Variants in SPTLC3 observed in about 807,000 individuals in gnomAD.
SPTLC3 encodes serine palmitoyltransferase 3.
A neutral mutation model predicts 59.3 loss-of-function variants in SPTLC3; 36 were observed. That is an observed-to-expected ratio of 0.61 (90% CI 0.47 to 0.80). The LOEUF is 0.80. Among genes scored for constraint, SPTLC3 ranks in the 30% least tolerant of loss-of-function variants. SPTLC3 has a pLI of 0.00. For missense variants in SPTLC3, 625 were observed against 685.1 expected (o/e 0.91, Z 0.98); for synonymous variants, 257 against 240.8 (o/e 1.07, Z -0.62).
At chr20:13,147,933 A>C (rs2122924218) in intron 9 of SPTLC3, among the ~76,000 whole-genome samples, 1 of 152,364 alleles carries the variant, frequency 6.6e-6, no homozygotes, top group African/African-American at 2.4e-5. Context: ...GAGATTGCAA[A>C]GTCTGCAGAA....
At chr20:13,040,405 C>T (rs918663946) in intron 1 of SPTLC3, among the ~76,000 whole-genome samples, 1 of 151,828 alleles carries the variant, frequency 6.6e-6, no homozygotes, top group Non-Finnish European at 1.5e-5. Flanking sequence ...TGTCTCCAGG[C>T]TGGAGTGCAG....
At chr20:13,027,314 A>T (rs1986198578) in intron 1 of SPTLC3, among the ~76,000 whole-genome samples, 1 of 152,128 alleles carries the variant, frequency 6.6e-6, no homozygotes, top group South Asian at 2.1e-4. Context: ...CACATCCAGG[A>T]TCTCATTGTA....
intron 4 of SPTLC3, among the ~76,000 whole-genome samples, chr20:13,086,613 T>G (rs1299075221): frequency 6.6e-6 from 1 of 152,184 alleles, no homozygotes; most frequent in African/African-American, 2.4e-5. Context: ...AACTCAGCTG[T>G]GAGACATCTG....
At chr20:13,071,614 CGGGAAGA>C (rs1988438400) in intron 2 of SPTLC3, among the ~76,000 whole-genome samples, 1 of 151,870 alleles carries the variant, frequency 6.6e-6, no homozygotes, top group Non-Finnish European at 1.5e-5. Context: ...TTTTTCTAAA[CGGGAAGA>C]GGGAACTATT....
In SPTLC3 at chr20:13,048,931, T is replaced by A; in HGVS notation, c.118-14T>A. 6.5e-7 allele frequency: 1 copy of A among 1,537,400 alleles called. No individual in the cohort carries two copies. Among genetic ancestry groups the A allele is most frequent in the Non-Finnish European group, 8.7e-7 (1 of 1,147,982 alleles). Reference sequence around the variant, plus strand: ...AGGAGAATGCTAACCTTGGATTTTCTTTTGTGTTTTCAGCAAAATGGGAAG... The same window carrying A: ...AGGAGAATGCTAACCTTGGATTTTCATTTGTGTTTTCAGCAAAATGGGAAG... On this transcript the variant is annotated splice_polypyrimidine_tract_variant and intron_variant, in intron 1 of 11. Coordinates refer to ENST00000399002, the MANE Select transcript of SPTLC3 (RefSeq NM_018327.4).
chr20:13,053,974 T>A (rs1277435323), intron 2 of SPTLC3, among the ~76,000 whole-genome samples: 2 of 152,224 alleles, frequency 1.3e-5, no homozygotes, highest in Non-Finnish European at 2.9e-5. Flanking sequence ...CTTCAGGATA[T>A]TATCCAGGAG....
At chr20:13,151,580 T>C (rs2038649515) in intron 9 of SPTLC3, among the ~76,000 whole-genome samples, 1 of 152,136 alleles carries the variant, frequency 6.6e-6, no homozygotes, top group African/African-American at 2.4e-5. Context: ...GCATGGACAA[T>C]TGGGGCATTT....
At chr20:13,138,819 T>C (rs2038313528) in intron 9 of SPTLC3, among the ~76,000 whole-genome samples, 1 of 152,182 alleles carries the variant, frequency 6.6e-6, no homozygotes, top group Non-Finnish European at 1.5e-5. Context: ...GATATGGAGG[T>C]GAGCTGAGCA....
Position 13,164,824 on chromosome 20 carries a change from G to T in SPTLC3, c.1616G>T (p.Arg539Leu). Reference sequence around the variant, plus strand: ...TATTCCCGGCACAAGAAGTCAGCACGTCCTGAGCTCTATGATGAGACGAGC... The same window carrying T: ...TATTCCCGGCACAAGAAGTCAGCACTTCCTGAGCTCTATGATGAGACGAGC... ...LKYSRHKKSA[R>L]PELYDETSFE... The change falls in exon 12 of 12, where the codon CGT (arginine) becomes CTT (leucine). Residue 539 changes from arginine to leucine, a missense_variant. Transcript: ENST00000399002. The T allele has an allele frequency of 6.2e-7, 1 of 1,613,716 alleles. No homozygotes were observed. Among genetic ancestry groups the T allele is most frequent in the Non-Finnish European group, 8.5e-7 (1 of 1,179,810 alleles).
chr20:13,082,738 G>A (rs1988881689), intron 4 of SPTLC3, among the ~76,000 whole-genome samples: 1 of 152,128 alleles, frequency 6.6e-6, no homozygotes, highest in African/African-American at 2.4e-5. Flanking sequence ...TTATAGCACT[G>A]AGCCACATTT....
intron 1 of SPTLC3, among the ~76,000 whole-genome samples, chr20:13,022,472 C>G (rs976183769): frequency 2.6e-5 from 4 of 152,190 alleles, no homozygotes; most frequent in Non-Finnish European, 5.9e-5. Context: ...GTGAGGACAG[C>G]TCTCCCCTGC....
Position 13,166,103 on chromosome 20 carries a change from A to G in SPTLC3, c.*1236A>G, listed in dbSNP as rs2038980690. The G allele has an allele frequency of 6.6e-6, 1 of 152,652 alleles. No homozygotes were observed. The highest frequency in any genetic ancestry group is 1.5e-5 in the Non-Finnish European group (1 of 68,060). The allele number at this position is 152,652 out of a possible 1,614,324, so 9.5% of individuals were successfully genotyped here. A position where few individuals can be genotyped will look rare whatever the true frequency, so the allele number is the denominator to read the frequency against. ...CTCCCAGAGGGTGCCCAGATTTGGAAATTCTAGAGAGCAGTGGTGACCTTT... is the reference window on the plus strand; with the variant it reads ...CTCCCAGAGGGTGCCCAGATTTGGAGATTCTAGAGAGCAGTGGTGACCTTT... On this transcript the variant is annotated 3_prime_UTR_variant, in exon 12 of 12. Coordinates refer to ENST00000399002, the MANE Select transcript of SPTLC3 (RefSeq NM_018327.4).
chr20:13,100,155 G>A (rs1220913089), intron 6 of SPTLC3, among the ~76,000 whole-genome samples: 5 of 152,064 alleles, frequency 3.3e-5, no homozygotes, highest in Admixed American at 6.6e-5. Context: ...CTGGGCCCTT[G>A]GATTTTTTAA....
intron 5 of SPTLC3, 75 bp from the exon 6 acceptor site, chr20:13,093,409 C>A: frequency 7.4e-7 from 1 of 1,355,146 alleles, no homozygotes; most frequent in Non-Finnish European, 1.0e-6. Context: ...TTTAGAGTGT[C>A]TTCCTGTCCC....
intron 2 of SPTLC3, among the ~76,000 whole-genome samples, chr20:13,055,541 T>G (rs1987686382): frequency 6.6e-6 from 1 of 152,186 alleles, no homozygotes; most frequent in Non-Finnish European, 1.5e-5. Flanking sequence ...TGTAAATTTC[T>G]CAGGTGTGGC....
chr20:13,053,867 C>T (rs1600234698), intron 2 of SPTLC3, among the ~76,000 whole-genome samples: 1 of 152,102 alleles, frequency 6.6e-6, no homozygotes. Flanking sequence ...ACGAACAAAG[C>T]CTCCAAGAAA....
intron 2 of SPTLC3, among the ~76,000 whole-genome samples, chr20:13,057,463 T>C (rs998196735): frequency 1.3e-5 from 2 of 152,234 alleles, no homozygotes; most frequent in Non-Finnish European, 2.9e-5. Flanking sequence ...ACTTGTCTCA[T>C]ACAGCCTTCC....
intron 1 of SPTLC3, among the ~76,000 whole-genome samples, chr20:13,039,280 C>T (rs1986872076): frequency 6.6e-6 from 1 of 151,940 alleles, no homozygotes; most frequent in Non-Finnish European, 1.5e-5. Flanking sequence ...TTTTACTTTG[C>T]ACTTTTTGGG....
intron 9 of SPTLC3, among the ~76,000 whole-genome samples, chr20:13,130,639 G>A (rs1422350419): frequency 6.6e-6 from 1 of 152,214 alleles, no homozygotes; most frequent in African/African-American, 2.4e-5. Context: ...CAGGCTGAGG[G>A]GCTGCAGGCC....
Sources: gnomAD v4.1 joint callset for allele counts (sites outside exome capture counted in the v4.1 genomes callset) on GRCh38, gnomAD v4.1.1 for gene constraint, MANE v1.5 for transcripts, NCBI Gene and HGNC (gene_info 2026-07-23, HGNC 2026-07-21) for gene names.